The following ATAD3B variants were observed in gnomAD, a reference collection of about 807,000 sequenced individuals.
ATAD3B encodes the protein ATPase family AAA domain containing 3B.
In ATAD3B, 59 loss-of-function variants were observed where a neutral mutation model predicts 70.2. The observed-to-expected ratio is 0.84, with a 90% CI of 0.68 to 1.04. ATAD3B has a LOEUF of 1.04. ATAD3B is among the 50% of genes least tolerant of loss of function. The pLI, the probability that ATAD3B is intolerant of heterozygous loss-of-function variation, is 0.00. For synonymous variants in ATAD3B, 423 were observed against 388.6 expected (o/e 1.09, Z -1.04); for missense variants, 961 against 913.4 (o/e 1.05, Z -0.67).
Position 1,472,201 on chromosome 1 carries a change from G to A in ATAD3B, c.205+112G>A. On this transcript the variant is annotated intron_variant, in intron 1 of 15. Transcript: ENST00000673477. ...CTGTCGGCAGCCACTTCCCGGGCGA[G>A]ACTGCGCCCCCGGAGCACCCCCGGC... 3 of 1,394,248 alleles carry A rather than the reference G, an allele frequency of 2.2e-6. No homozygotes were observed. In the South Asian group the frequency reaches 4.0e-5, roughly 19 times the overall value. 86.4% of individuals were successfully genotyped at this position (1,394,248 alleles called of 1,614,324 possible).
chr1:1,472,217 C>A, intron 1 of ATAD3B, 128 bp downstream of exon 1: 1 of 1,402,318 alleles, frequency 7.1e-7, no homozygotes, highest in Non-Finnish European at 9.4e-7. Flanking sequence ...GCCCCCGGAG[C>A]ACCCCCGGCC....
chr1:1,480,794 G>T, intron 4 of ATAD3B, 73 bp from the exon 5 acceptor site: 1 of 1,585,558 alleles, frequency 6.3e-7, no homozygotes, highest in Non-Finnish European at 8.6e-7. Flanking sequence ...TGGGGCGGAC[G>T]CAACCTCTGG....
In ATAD3B at chr1:1,482,379, C is replaced by T. The variant is rs889431163; in HGVS notation, c.680+76C>T. The T allele has an allele frequency of 7.0e-6, 11 of 1,575,558 alleles. 1 individual carries two copies. Among genetic ancestry groups the T allele is most frequent in the African/African-American group, 1.4e-5 (1 of 71,038 alleles). On this transcript the variant is annotated intron_variant, in intron 6 of 15. Coordinates refer to ENST00000673477, the MANE Select transcript of ATAD3B (RefSeq NM_031921.6). ...GAGTCGCTGGTCCCAGGGCGCTCTC[C>T]AGCTCTTCCAGGCCTGGCCGCCATA...
chr1:1,498,100 C>T (rs1256768346), downstream of ATAD3B, among the ~76,000 whole-genome samples: 34 of 151,570 alleles, frequency 2.2e-4, no homozygotes, highest in Middle Eastern at 0.01. Context: ...GTCAGGAGTT[C>T]GAGACCAGCC....
At chr1:1,491,881 T>G (rs569176602) in intron 15 of ATAD3B, among the ~76,000 whole-genome samples, 1 of 152,038 alleles carries the variant, frequency 6.6e-6, no homozygotes, top group African/African-American at 2.4e-5. Flanking sequence ...CAGGTCTGTT[T>G]CCACAACTCA....
downstream of ATAD3B, among the ~76,000 whole-genome samples, chr1:1,502,077 C>A (rs955460790): frequency 3.3e-5 from 5 of 152,096 alleles, no homozygotes; most frequent in African/African-American, 1.2e-4. Context: ...TGGGATTTCA[C>A]CATGTTGGCC....
chr1:1,477,543 G>A (rs1203475586), intron 2 of ATAD3B, among the ~76,000 whole-genome samples, 193 bp downstream of exon 2: 3 of 151,894 alleles, frequency 2.0e-5, no homozygotes, highest in African/African-American at 7.3e-5. Context: ...AGAGCCGCCC[G>A]AGAGGGAGGG....
At chr1:1,476,708 C>A (rs1639608285) in intron 1 of ATAD3B, among the ~76,000 whole-genome samples, 1 of 151,862 alleles carries the variant, frequency 6.6e-6, no homozygotes, top group Non-Finnish European at 1.5e-5. Flanking sequence ...CGGGGTTTCA[C>A]TGTGTTAACC....
Position 1,486,143 on chromosome 1 carries a change from A to G in ATAD3B, c.997A>G (p.Ile333Val), listed in dbSNP as rs1429429530. 6.2e-7 allele frequency: 1 copy of G among 1,613,242 alleles called. No individual in the cohort carries two copies. Among genetic ancestry groups the G allele is most frequent in the East Asian group, 2.2e-5 (1 of 44,874 alleles). The change falls in exon 10 of 16, where the codon ATA becomes GTA. Residue 333 changes from isoleucine (I) to valine (V), a missense_variant. By Grantham distance (29) the Ile-to-Val change is conservative. Coordinates refer to ENST00000673477, the MANE Select transcript of ATAD3B (RefSeq NM_031921.6). The stretch of plus-strand genomic sequence containing the variant: ...GGAAGCACGGGTGCGCGACATCGCC[A>G]TAGCAACCAGGAACACCAAGAAGAA... ...SLEARVRDIA[I>V]ATRNTKKNRG...
chr1:1,503,044 G>T, the ATAD3B span, among the ~76,000 whole-genome samples: 12 of 150,990 alleles, frequency 7.9e-5, no homozygotes, highest in Non-Finnish European at 1.0e-4. Flanking sequence ...CTAACAGGGT[G>T]AAACCCTGTC....
In ATAD3B at chr1:1,471,826, C is replaced by T. The variant is rs1464343300; in HGVS notation, c.-59C>T. The T allele has an allele frequency of 1.4e-5, 18 of 1,243,288 alleles. 1 individual carries two copies. Among genetic ancestry groups the T allele is most frequent in the Admixed American group, 4.1e-5 (1 of 24,608 alleles). The allele number at this position is 1,243,288 out of a possible 1,614,324, so 77.0% of individuals were successfully genotyped here. On this transcript the variant is annotated 5_prime_UTR_variant, in exon 1 of 16. Transcript: ENST00000673477. ...GGCGCGTGGAGGCTGCTCCCAGCCG[C>T]GCCCGAGTCAGACTCGGGTGGGGGT...
At chr1:1,478,213 T>G (rs1464575241) in intron 2 of ATAD3B, 2 of 428,528 alleles carry the variant, frequency 4.7e-6, no homozygotes, top group Non-Finnish European at 8.4e-6. Context: ...TCCAGGTTGG[T>G]CTTGAACTCC....
At chr1:1,490,809 G>C in intron 15 of ATAD3B, 138 bp downstream of exon 15, 1 of 1,470,202 alleles carries the variant, frequency 6.8e-7, no homozygotes, top group Non-Finnish European at 9.0e-7. Flanking sequence ...ACGTGACACA[G>C]GGCCCCCTGC....
rs769549017 is a variant in ATAD3B, at chr1:1,482,533, C to T, written c.681-12C>T. 1 of 1,613,418 alleles carries T rather than the reference C, an allele frequency of 6.2e-7. No homozygotes were observed. The highest frequency in any genetic ancestry group is 2.2e-5 in the East Asian group (1 of 44,876). On this transcript the variant is annotated splice_polypyrimidine_tract_variant and intron_variant, in intron 6 of 15. Coordinates refer to ENST00000673477, the MANE Select transcript of ATAD3B (RefSeq NM_031921.6). The stretch of plus-strand genomic sequence containing the variant: ...CGTGTCCTTCCTGGTCACACCACTG[C>T]TTTCCCCGCAGGACGGCTGGCACCT...
Position 1,479,916 on chromosome 1 carries a change from A to G in ATAD3B, c.444+808A>G, listed in dbSNP as rs1268833705. ...CACACGCCCACACACACGGGCGCGCACACACCCGGACATGCACAAACACCC... is the reference window on the plus strand; with the variant it reads ...CACACGCCCACACACACGGGCGCGCGCACACCCGGACATGCACAAACACCC... On this transcript the variant is annotated intron_variant, in intron 4 of 15. Coordinates refer to ENST00000673477, the MANE Select transcript of ATAD3B (RefSeq NM_031921.6). Among the ~76,000 whole-genome samples the G allele has an allele frequency of 5.1e-5, 7 of 138,580 alleles. 2 individuals are homozygous for G. The highest frequency in any genetic ancestry group is 7.7e-5 in the Non-Finnish European group (5 of 64,530). 90.9% of individuals were successfully genotyped at this position (138,580 alleles called of 152,430 possible).
At chr1:1,495,315 C>G (rs1400098440) in intron 15 of ATAD3B, among the ~76,000 whole-genome samples, 170 bp from the exon 16 acceptor site, 2 of 152,042 alleles carry the variant, frequency 1.3e-5, no homozygotes, top group Non-Finnish European at 2.9e-5. Flanking sequence ...GGGGCCGCTC[C>G]CAGTGTCCAC....
At chr1:1,473,440 G>A (rs1400556411) in intron 1 of ATAD3B, among the ~76,000 whole-genome samples, 2 of 151,356 alleles carry the variant, frequency 1.3e-5, no homozygotes, top group African/African-American at 2.4e-5. Context: ...TCCTGACCTC[G>A]TGGTCCACCC....
chr1:1,507,151 C>T, the ATAD3B span, among the ~76,000 whole-genome samples: 2 of 152,182 alleles, frequency 1.3e-5, no homozygotes, highest in African/African-American at 2.4e-5. Context: ...TTTTACCTCT[C>T]CCTTTTCAGT....
chr1:1,505,606 G>C, the ATAD3B span, among the ~76,000 whole-genome samples: 1 of 152,148 alleles, frequency 6.6e-6, no homozygotes, highest in Non-Finnish European at 1.5e-5. Flanking sequence ...CTTAGGTCAC[G>C]GGTGCCTTCC....
Sources: gnomAD v4.1 joint callset for allele counts (sites outside exome capture counted in the v4.1 genomes callset) on GRCh38, gnomAD v4.1.1 for gene constraint, MANE v1.5 for transcripts, NCBI Gene and HGNC (gene_info 2026-07-23, HGNC 2026-07-21) for gene names.